The following RORA variants were observed in gnomAD, a reference collection of about 807,000 sequenced individuals.
The protein encoded by RORA is nuclear receptor ROR-alpha.
In RORA, 7 loss-of-function variants were observed where a neutral mutation model predicts 69.5. The observed-to-expected ratio is 0.10, with a 90% confidence interval of 0.06 to 0.19. The LOEUF (loss-of-function observed/expected upper bound fraction) is 0.19, where lower values mean the gene tolerates loss of function less well. RORA is among the 10% of genes least tolerant of loss of function. The pLI, the probability that RORA is intolerant of heterozygous loss-of-function variation, is 1.00. For missense variants in RORA, 457 were observed against 663.0 expected, an observed-to-expected ratio of 0.69 and a Z score of 3.41; for synonymous variants, 261 against 240.8, an observed-to-expected ratio of 1.08 and a Z score of -0.78.
chr15:60,866,867 T>C (rs146145063), intron 1 of RORA, among the ~76,000 whole-genome samples: 2 of 99,466 alleles, frequency 2.0e-5, no homozygotes, highest in African/African-American at 6.6e-5. Context: ...TACCTACCTA[T>C]CTACCTATCT....
chr15:60,732,125 G>A (rs1217272722), intron 1 of RORA, among the ~76,000 whole-genome samples: 2 of 152,130 alleles, frequency 1.3e-5, no homozygotes, highest in Non-Finnish European at 2.9e-5. Flanking sequence ...TAAAAAAGAC[G>A]TTGCCTTAAA....
chr15:60,732,207 T>C (rs1162208292), intron 1 of RORA, among the ~76,000 whole-genome samples: 2 of 152,202 alleles, frequency 1.3e-5, no homozygotes, highest in Non-Finnish European at 2.9e-5. Context: ...GGTTCTATTA[T>C]CTAAAAATAC....
chr15:61,020,626 T>C (rs1486385627), intron 1 of RORA, among the ~76,000 whole-genome samples: 1 of 152,162 alleles, frequency 6.6e-6, no homozygotes, highest in African/African-American at 2.4e-5. Context: ...TCAAAGAATA[T>C]CAACAAAAGG....
At chr15:60,826,663 T>TTC (rs397733319) in intron 1 of RORA, among the ~76,000 whole-genome samples, 3,366 of 150,942 alleles carry the variant, frequency 0.022, 45 homozygotes, top group Non-Finnish European at 0.032. Context: ...TTTTTTTTTT[T>TTC]CCCATGGAGG....
intron 1 of RORA, among the ~76,000 whole-genome samples, chr15:60,755,098 AG>A (rs2071779191): frequency 1.3e-5 from 2 of 149,524 alleles, no homozygotes; most frequent in Admixed American, 1.3e-4. Flanking sequence ...CTCGTCATTT[AG>A]CATTAGGTAT....
At chr15:60,592,934 C>T (rs921669051) in intron 2 of RORA, 3 of 455,644 alleles carry the variant, frequency 6.6e-6, no homozygotes, top group Non-Finnish European at 1.3e-5. Flanking sequence ...CTTGCCGGAG[C>T]ACTCGGGGGC....
At chr15:60,894,195 G>T (rs1891163981) in intron 1 of RORA, among the ~76,000 whole-genome samples, 1 of 152,236 alleles carries the variant, frequency 6.6e-6, no homozygotes, top group Non-Finnish European at 1.5e-5. Context: ...ATGTGAAGCT[G>T]GCAAAGCCGC....
chr15:60,491,762 A>C lies in RORA; in HGVS notation c.*5693T>G, dbSNP rs1044485986. 5.9e-5 allele frequency: 9 copies of C among 152,066 alleles called. No individual in the cohort carries two copies. The highest frequency in any genetic ancestry group is 2.1e-4 in the South Asian group (1 of 4,826). The allele number at this position is 152,066 out of a possible 1,614,324, so 9.4% of individuals were successfully genotyped here. On this transcript the variant is annotated 3_prime_UTR_variant, in exon 11 of 11. Transcript: ENST00000335670. ...GTGAAACCAATTGCACTGTGGAGACATTGCTAGTCAGTCTTCTCATCTCTT... is the reference window on the plus strand; with the variant it reads ...GTGAAACCAATTGCACTGTGGAGACCTTGCTAGTCAGTCTTCTCATCTCTT...
At chr15:61,181,867 C>A (rs1210568496) in intron 1 of RORA, among the ~76,000 whole-genome samples, 1 of 152,082 alleles carries the variant, frequency 6.6e-6, no homozygotes, top group East Asian at 1.9e-4. Flanking sequence ...GATTGGGTAA[C>A]TAAAGGCAAT....
intron 1 of RORA, among the ~76,000 whole-genome samples, chr15:61,074,985 G>A (rs1241265497): frequency 6.6e-6 from 1 of 151,896 alleles, no homozygotes; most frequent in African/African-American, 2.4e-5. Flanking sequence ...TACTCGGGAG[G>A]CTGAGGCATG....
At chr15:61,072,073 G>C (rs1566974951) in intron 1 of RORA, among the ~76,000 whole-genome samples, 1 of 152,188 alleles carries the variant, frequency 6.6e-6, no homozygotes. Flanking sequence ...TGATGTCACA[G>C]ATAAAGAACA....
intron 1 of RORA, among the ~76,000 whole-genome samples, chr15:61,187,475 T>C (rs1485393564): frequency 6.6e-6 from 1 of 151,876 alleles, no homozygotes; most frequent in Non-Finnish European, 1.5e-5. Flanking sequence ...GATAGGGAGA[T>C]CTGAGGGAAA....
chr15:61,127,173 T>A (rs1344358374), intron 1 of RORA, among the ~76,000 whole-genome samples: 1 of 152,248 alleles, frequency 6.6e-6, no homozygotes, highest in Non-Finnish European at 1.5e-5. Context: ...TACTTCTGAC[T>A]GTGCCCCCTG....
chr15:60,984,795 A>C (rs1894148028), intron 1 of RORA, among the ~76,000 whole-genome samples: 1 of 119,786 alleles, frequency 8.3e-6, no homozygotes. Flanking sequence ...CTTGGACTAC[A>C]TATGTCTTTT....
chr15:61,148,909 G>A (rs201303223), intron 1 of RORA, among the ~76,000 whole-genome samples: 7 of 152,172 alleles, frequency 4.6e-5, no homozygotes, highest in East Asian at 1.9e-4. Context: ...CCTAAAAAGC[G>A]TGTGGACTGC....
chr15:60,903,491 T>C (rs1055953113), intron 1 of RORA, among the ~76,000 whole-genome samples: 3 of 152,238 alleles, frequency 2.0e-5, no homozygotes, highest in Non-Finnish European at 2.9e-5. Flanking sequence ...CCTAATTCTG[T>C]CCAGTTTGCA....
At chr15:60,833,976 C>A (rs76526636) in intron 1 of RORA, among the ~76,000 whole-genome samples, 3,327 of 152,328 alleles carry the variant, frequency 0.022, 48 homozygotes, top group Middle Eastern at 0.034. Flanking sequence ...CAGTAAGCAC[C>A]TTAGCCATGC....
At chr15:61,211,061 C>T (rs770400503) in intron 1 of RORA, among the ~76,000 whole-genome samples, 3 of 152,186 alleles carry the variant, frequency 2.0e-5, no homozygotes, top group Non-Finnish European at 4.4e-5. Flanking sequence ...CAAGGAGGCA[C>T]TTGGCCTGGG....
chr15:61,183,690 A>AT (rs968365793), intron 1 of RORA, among the ~76,000 whole-genome samples: 5 of 152,002 alleles, frequency 3.3e-5, no homozygotes, highest in Non-Finnish European at 5.9e-5. Flanking sequence ...ATTTATTCTG[A>AT]TTTTTTGTGT....
Sources: allele counts gnomAD v4.1 joint callset (sites outside exome capture counted in the v4.1 genomes callset), GRCh38; gene constraint gnomAD v4.1.1; transcripts MANE v1.5; gene names NCBI Gene and HGNC (gene_info 2026-07-23, HGNC 2026-07-21).